CDC42: variants seen among roughly 807,000 people sequenced by gnomAD.
CDC42 encodes the protein cell division control protein 42 homolog.
CDC42 carries 1 observed loss-of-function variant against 20.8 expected under a neutral mutation model. That is an observed-to-expected ratio of 0.05 (90% confidence interval 0.02 to 0.23). The LOEUF (loss-of-function observed/expected upper bound fraction) is 0.23, where lower values mean the gene tolerates loss of function less well. Ranked by LOEUF, CDC42 falls within the 10% of genes least tolerant of loss-of-function variation. The probability of loss-of-function intolerance (pLI) is 1.00; values close to 1 mark genes in which losing one functional copy is unlikely to be tolerated. For missense variants in CDC42, 49 were observed against 227.9 expected (o/e 0.21, Z 5.05); for synonymous variants, 72 against 84.8 (o/e 0.85, Z 0.83).
intron 1 of CDC42, among the ~76,000 whole-genome samples, chr1:22,064,640 TTGA>T (rs1645401896): frequency 6.6e-6 from 1 of 151,986 alleles, no homozygotes; most frequent in African/African-American, 2.4e-5. Flanking sequence ...GACTTTCACT[TTGA>T]TGGAGTTTAG....
intron 1 of CDC42, among the ~76,000 whole-genome samples, chr1:22,058,208 T>C (rs1341482422): frequency 6.6e-6 from 1 of 152,180 alleles, no homozygotes; most frequent in Non-Finnish European, 1.5e-5. Context: ...GATCCCCACA[T>C]GATTTTTATG....
intron 1 of CDC42, among the ~76,000 whole-genome samples, chr1:22,076,314 C>A (rs1645549193): frequency 6.6e-6 from 1 of 152,016 alleles, no homozygotes; most frequent in Non-Finnish European, 1.5e-5. Flanking sequence ...AAACATTATC[C>A]AGGCGTGGTG....
At chr1:22,068,137 T>C (rs572657157) in intron 1 of CDC42, among the ~76,000 whole-genome samples, 4 of 152,218 alleles carry the variant, frequency 2.6e-5, no homozygotes, top group South Asian at 4.1e-4. Flanking sequence ...GGGCTAAAAA[T>C]CCACTCAGTA....
intron 1 of CDC42, among the ~76,000 whole-genome samples, chr1:22,069,866 T>G (rs75223442): frequency 0.048 from 7,340 of 152,170 alleles, 287 homozygotes; most frequent in East Asian, 0.18. Context: ...TAATCTTGGC[T>G]TACTTGCAAC....
In CDC42 at chr1:22,057,035, G is replaced by A. The variant is rs1302272130; in HGVS notation, c.-51+4293G>A. ...TTGATTGGTATATTGCTACTATAAT[G>A]ATTAAAAGCATAGACTCTGGAACCA... is the stretch of plus-strand genomic sequence containing the variant. On this transcript the variant is annotated intron_variant, in intron 1 of 5. Coordinates refer to ENST00000656825, the MANE Select transcript of CDC42 (RefSeq NM_001791.4). Among the ~76,000 whole-genome samples the A allele has an allele frequency of 1.1e-4, 17 of 152,186 alleles. 1 individual carries two copies.
chr1:22,090,531 G>A, intron 5 of CDC42: 1 of 987,570 alleles, frequency 1.0e-6, no homozygotes, highest in Non-Finnish European at 1.2e-6. Context: ...GTGAAACTTT[G>A]TGTTGCTGTT....
Position 22,098,350 on chromosome 1 carries a change from A to ACT in CDC42, c.*6833_*6834insCT, listed in dbSNP as rs1645770457. 6.6e-6 allele frequency among the ~76,000 whole-genome samples: 1 copy of ACT among 151,288 alleles called. No individual in the cohort carries two copies. Among genetic ancestry groups the ACT allele is most frequent in the East Asian group, 1.9e-4 (1 of 5,192 alleles). ...TTAGATGGGAAGGCTGAAAAAAAAAATACTCCTGAGATTCTGAATCTGTAA... is the reference window on the plus strand; with the variant it reads ...TTAGATGGGAAGGCTGAAAAAAAAAACTTACTCCTGAGATTCTGAATCTGTAA... On this transcript the variant is annotated 3_prime_UTR_variant, in exon 6 of 6. Transcript: ENST00000656825.
intron 3 of CDC42, among the ~76,000 whole-genome samples, chr1:22,083,842 GCTTT>G (rs1347545254): frequency 6.6e-6 from 1 of 152,112 alleles, no homozygotes; most frequent in East Asian, 1.9e-4. Context: ...CCACTGATCT[GCTTT>G]CTTTGTTTCT....
chr1:22,097,890 C>T lies in CDC42; in HGVS notation c.*6373C>T, dbSNP rs1645767617. ...GTCATAGTCTCATAGGTGATTTCCC[C>T]AAAAGCAAATAAATGCTCGATGGAT... On this transcript the variant is annotated 3_prime_UTR_variant, in exon 6 of 6. Coordinates refer to ENST00000656825, the MANE Select transcript of CDC42 (RefSeq NM_001791.4). 1.3e-5 allele frequency among the ~76,000 whole-genome samples: 2 copies of T among 152,186 alleles called. No homozygotes were observed. The highest frequency in any genetic ancestry group is 2.9e-5 in the Non-Finnish European group (2 of 68,042).
rs767597872 is a variant in CDC42 at position 22,097,753 on chromosome 1, C to A, written c.*6236C>A. On this transcript the variant is annotated 3_prime_UTR_variant, in exon 6 of 6. Transcript: ENST00000656825. Reference sequence around the variant, plus strand: ...TATCCAGTGAGTCTTTAAAGCCCTACGTTATAGAAAAATGTGAAGTATGTC... The same window carrying A: ...TATCCAGTGAGTCTTTAAAGCCCTAAGTTATAGAAAAATGTGAAGTATGTC... Among the ~76,000 whole-genome samples the A allele has an allele frequency of 6.6e-6, 1 of 152,272 alleles. No homozygotes were observed. Among genetic ancestry groups the A allele is most frequent in the South Asian group, 2.1e-4 (1 of 4,824 alleles).
intron 1 of CDC42, among the ~76,000 whole-genome samples, chr1:22,070,294 G>A (rs1264861183): frequency 1.3e-5 from 2 of 151,884 alleles, no homozygotes; most frequent in African/African-American, 4.8e-5. Context: ...TATGTTCTTA[G>A]CTCCCACAAT....
intron 3 of CDC42, among the ~76,000 whole-genome samples, chr1:22,085,242 A>AG (rs1391933991): frequency 8.1e-6 from 1 of 123,060 alleles, no homozygotes; most frequent in Non-Finnish European, 1.6e-5. Context: ...AAAAAAAAAA[A>AG]AAAAAAGAAA....
chr1:22,059,849 T>C (rs1304673268), intron 1 of CDC42, among the ~76,000 whole-genome samples: 1 of 151,520 alleles, frequency 6.6e-6, no homozygotes, highest in African/African-American at 2.4e-5. Flanking sequence ...CAGCCTGTTA[T>C]TTTTCAAGGG....
At chr1:22,061,532 CTTTTTTTTTTTTTT>C (rs555957608) in intron 1 of CDC42, among the ~76,000 whole-genome samples, 6 of 36,184 alleles carry the variant, frequency 1.7e-4, no homozygotes, top group Admixed American at 1.5e-3. Flanking sequence ...ATGTTTCTTT[CTTTTTTTTTTTTTT>C]TTTTTTTTTT....
In CDC42 at chr1:22,063,100, GT is replaced by G. The variant is rs16830933; in HGVS notation, c.-51+10367del. ...AGAGTCTATATGACTTGGACTCATA[GT>G]TTTTTTTTGTTTGTTTCTTTTTTCC... On this transcript the variant is annotated intron_variant, in intron 1 of 5. Coordinates refer to ENST00000656825, the MANE Select transcript of CDC42 (RefSeq NM_001791.4). Among the ~76,000 whole-genome samples, 426 of 151,532 alleles carry G rather than the reference GT, an allele frequency of 2.8e-3. 1 individual carries two copies. Among genetic ancestry groups the G allele is most frequent in the Admixed American group, 4.2e-3 (63 of 15,172 alleles).
intron 1 of CDC42, among the ~76,000 whole-genome samples, chr1:22,055,935 AGG>A (rs1338832747): frequency 6.8e-6 from 1 of 147,124 alleles, no homozygotes; most frequent in African/African-American, 2.6e-5. Flanking sequence ...CTTCCTTTGA[AGG>A]GGAGAGAGGG....
chr1:22,096,927 G>A lies in CDC42; in HGVS notation c.*5410G>A, dbSNP rs930516361. ...CCTTGTGCAGTGCACAACTTGGACAGTTCATACACAATGTTGTATTGAGAT... is the reference window on the plus strand; with the variant it reads ...CCTTGTGCAGTGCACAACTTGGACAATTCATACACAATGTTGTATTGAGAT... On this transcript the variant is annotated 3_prime_UTR_variant, in exon 6 of 6. Coordinates refer to ENST00000656825, the MANE Select transcript of CDC42 (RefSeq NM_001791.4). 2.0e-5 allele frequency among the ~76,000 whole-genome samples: 3 copies of A among 152,230 alleles called. No individual in the cohort carries two copies. The highest frequency in any genetic ancestry group is 2.0e-4 in the Admixed American group (3 of 15,282).
rs1028135901 is a variant in CDC42 at position 22,086,698 on chromosome 1, A to C, written c.318A>C (p.Pro106=). 10 of 1,614,118 alleles carry C rather than the reference A, an allele frequency of 6.2e-6. No homozygotes were observed. Among genetic ancestry groups the C allele is most frequent in the Non-Finnish European group, 8.5e-6 (10 of 1,179,984 alleles). ...TGCCTGAGATAACTCACCACTGTCCAAAGACTCCTTTCTTGCTTGTTGGGA... is the reference window on the plus strand; with the variant it reads ...TGCCTGAGATAACTCACCACTGTCCCAAGACTCCTTTCTTGCTTGTTGGGA... ...KWVPEITHHC[P]KTPFLLVGTQ... The change falls in exon 5 of 6, where the codon CCA becomes CCC. Residue 106 remains proline, a synonymous_variant. Coordinates refer to ENST00000656825, the MANE Select transcript of CDC42 (RefSeq NM_001791.4).
rs1354706696 is a variant in CDC42, at chr1:22,097,994, A to G, written c.*6477A>G. Among the ~76,000 whole-genome samples, 2 of 152,006 alleles carry G rather than the reference A, an allele frequency of 1.3e-5. No individual in the cohort carries two copies. Among genetic ancestry groups the G allele is most frequent in the Admixed American group, 6.6e-5 (1 of 15,264 alleles). On this transcript the variant is annotated 3_prime_UTR_variant, in exon 6 of 6. Transcript: ENST00000656825. The stretch of plus-strand genomic sequence containing the variant: ...GTAAGTATAGCATTTTCTCAACCCT[A>G]TTACAATAGAGCACAGGATCATAAC...
Sources: allele counts gnomAD v4.1 joint callset (sites outside exome capture counted in the v4.1 genomes callset), GRCh38; gene constraint gnomAD v4.1.1; transcripts MANE v1.5; gene names NCBI Gene and HGNC (gene_info 2026-07-23, HGNC 2026-07-21).